Variants in FNBP4 observed in about 807,000 individuals in gnomAD.
FNBP4 encodes the protein formin-binding protein 4.
Under a neutral mutation model 119.3 loss-of-function variants are expected in FNBP4, and 34 were observed. The observed-to-expected ratio is 0.28, with a 90% CI of 0.22 to 0.38. The LOEUF (loss-of-function observed/expected upper bound fraction) is 0.38. Ranked by LOEUF, FNBP4 falls within the 10% of genes least tolerant of loss-of-function variation. The pLI is 1.00. For synonymous variants in FNBP4, 462 were observed against 430.6 expected (o/e 1.07, Z -0.90); for missense variants, 1,112 against 1,228.9 (o/e 0.90, Z 1.42).
chr11:47,742,476 T>TGAAAAA (rs1322071518), intron 8 of FNBP4, among the ~76,000 whole-genome samples: 1 of 3,620 alleles, frequency 2.8e-4, no homozygotes, highest in Non-Finnish European at 8.1e-4. Flanking sequence ...AGACTCCGTC[T>TGAAAAA]CAAAAAAAAA....
Position 47,767,056 on chromosome 11 carries a change from C to A in FNBP4, c.220+13G>T. ...CCCTGAGCTCGAGTTCAGGTCCCCC[C>A]GCGCACCCTTGCCTTCTGAAGGCGA... On this transcript the variant is annotated intron_variant, in intron 1 of 16. Coordinates refer to ENST00000263773, the MANE Select transcript of FNBP4 (RefSeq NM_015308.5). 1 of 1,522,778 alleles carries A rather than the reference C, an allele frequency of 6.6e-7. No individual in the cohort carries two copies. The highest frequency in any genetic ancestry group is 2.6e-5 in the East Asian group (1 of 38,704). The allele number at this position is 1,522,778 out of a possible 1,614,324, so 94.3% of individuals were successfully genotyped here.
At position 47,736,639 on chromosome 11, in the gene FNBP4, C is replaced by A. The variant is rs1385348542; in HGVS notation, c.1558G>T (p.Val520Leu). ...ACTTTCAAATCCTGTTCTTCTTCTA[C>A]TTTTGGTGTTGTCTGTACTTTTATT... ...EKIKVQTTPK[V>L]EEEQDLKFQI... Residue 520 changes from valine to leucine, a missense_variant, in exon 9 of 17, where the codon GTA (valine) becomes TTA (leucine). Physicochemically the swap from Val to Leu is conservative, Grantham distance 32. Around this residue, in one of 2 missense-constraint regions of FNBP4, gnomAD observed 826 missense variants for 988.8 expected, o/e 0.84. Coordinates refer to ENST00000263773, the MANE Select transcript of FNBP4 (RefSeq NM_015308.5). 2.5e-6 allele frequency: 4 copies of A among 1,598,608 alleles called. No individual in the cohort carries two copies. The South Asian group carries it at 4.4e-5, about 18-fold the overall frequency.
chr11:47,746,532 T>A, intron 6 of FNBP4, 138 bp from the exon 7 acceptor site: 1 of 719,478 alleles, frequency 1.4e-6, no homozygotes. Context: ...TTTTTTTTTT[T>A]GAGATGGAGT....
At chr11:47,730,816 C>A (rs914581287) in intron 12 of FNBP4, among the ~76,000 whole-genome samples, 3 of 152,166 alleles carry the variant, frequency 2.0e-5, no homozygotes, top group African/African-American at 4.8e-5. Context: ...TGGAATGAGA[C>A]ATCCTATTGC....
intron 2 of FNBP4, among the ~76,000 whole-genome samples, chr11:47,762,590 G>A (rs1423447002): frequency 6.6e-6 from 1 of 151,922 alleles, no homozygotes. Context: ...TCATCAGCAC[G>A]TCTAGCTAAT....
At chr11:47,726,224 C>G (rs959536924) in intron 12 of FNBP4, 2 of 152,132 alleles carry the variant, frequency 1.3e-5, no homozygotes, top group African/African-American at 4.8e-5. Context: ...TGGCACTCAA[C>G]AAGGTAAAAC....
intron 8 of FNBP4, among the ~76,000 whole-genome samples, chr11:47,740,901 G>T (rs561456328): frequency 4.5e-4 from 65 of 143,530 alleles, no homozygotes; most frequent in African/African-American, 1.6e-3. Context: ...CATTTTTTTT[G>T]TGTGTGTGAT....
At chr11:47,720,327 G>A (rs1388094326) in intron 15 of FNBP4, among the ~76,000 whole-genome samples, 1 of 152,152 alleles carries the variant, frequency 6.6e-6, no homozygotes, top group Non-Finnish European at 1.5e-5. Flanking sequence ...CCAGCACTTT[G>A]GGAGGCTGAG....
intron 12 of FNBP4, among the ~76,000 whole-genome samples, chr11:47,727,798 T>A (rs745926300): frequency 2.0e-4 from 31 of 152,350 alleles, no homozygotes; most frequent in Non-Finnish European, 2.1e-4. Flanking sequence ...TGCTTCTCCT[T>A]GCTTTTAAAT....
At chr11:47,746,012 G>C (rs773453761) in intron 7 of FNBP4, 44 bp downstream of exon 7, 4 of 1,474,522 alleles carry the variant, frequency 2.7e-6, no homozygotes, top group Non-Finnish European at 2.8e-6. Context: ...CTGTAGAGTA[G>C]TACTGAGGAA....
intron 14 of FNBP4, among the ~76,000 whole-genome samples, chr11:47,723,676 C>T (rs577486485): frequency 6.6e-6 from 1 of 152,230 alleles, no homozygotes; most frequent in East Asian, 1.9e-4. Context: ...GTGATCCTCC[C>T]ACCTCAGTCT....
intron 2 of FNBP4, among the ~76,000 whole-genome samples, chr11:47,760,172 A>C (rs2097630308): frequency 6.6e-6 from 1 of 152,108 alleles, no homozygotes; most frequent in East Asian, 1.9e-4. Context: ...TAAACTCCTA[A>C]AAACATAATA....
At chr11:47,738,514 G>A (rs768139090) in intron 8 of FNBP4, among the ~76,000 whole-genome samples, 2 of 151,966 alleles carry the variant, frequency 1.3e-5, no homozygotes, top group East Asian at 1.9e-4. Context: ...GCAGTGAGCC[G>A]AGATTGCACC....
At chr11:47,727,936 A>G (rs2097562999) in intron 12 of FNBP4, among the ~76,000 whole-genome samples, 2 of 151,656 alleles carry the variant, frequency 1.3e-5, no homozygotes, top group South Asian at 2.1e-4. Context: ...TTGGAGTGCA[A>G]TGGTGTGATA....
chr11:47,725,810 C>T (rs2097560327), intron 12 of FNBP4: 5 of 982,018 alleles, frequency 5.1e-6, no homozygotes, highest in Non-Finnish European at 6.0e-6. Flanking sequence ...GATATATATC[C>T]CAGGAATGTT....
intron 2 of FNBP4, among the ~76,000 whole-genome samples, chr11:47,760,257 A>C (rs2097630582): frequency 7.1e-6 from 1 of 141,844 alleles, no homozygotes; most frequent in Non-Finnish European, 1.5e-5. Flanking sequence ...AATTGATCAA[A>C]CATTTTTTTT....
At chr11:47,740,243 T>C (rs368642193) in intron 8 of FNBP4, among the ~76,000 whole-genome samples, 56 of 151,886 alleles carry the variant, frequency 3.7e-4, no homozygotes, top group African/African-American at 1.3e-3. Flanking sequence ...GATAAAACCC[T>C]GTCTGTACTA....
rs2135109425 is a variant in FNBP4 at position 47,731,873 on chromosome 11, TG to T, written c.1821-313del. The T allele has an allele frequency of 5.7e-6, 6 of 1,052,882 alleles. No homozygotes were observed. The South Asian group carries it at 2.6e-4, about 45-fold the overall frequency. The allele number at this position is 1,052,882 out of a possible 1,614,324, so 65.2% of individuals were successfully genotyped here. ...ATAACAGGGTTTCAAGTTTCATTAA[TG>T]AAGGGACTCAATCGCCTAGAACACT... On this transcript the variant is annotated intron_variant, in intron 11 of 16. Coordinates refer to ENST00000263773, the MANE Select transcript of FNBP4 (RefSeq NM_015308.5).
intron 2 of FNBP4, among the ~76,000 whole-genome samples, chr11:47,763,738 T>TTGTG (rs1565170644): frequency 6.6e-6 from 1 of 151,972 alleles, no homozygotes; most frequent in East Asian, 1.9e-4. Flanking sequence ...CTGACGTCAT[T>TTGTG]ATCCACCTGC....
Sources: gnomAD v4.1 joint callset for allele counts (sites outside exome capture counted in the v4.1 genomes callset) on GRCh38, gnomAD v4.1.1 for gene constraint, gnomAD v4.1.1 regional missense constraint, MANE v1.5 for transcripts, NCBI Gene and HGNC (gene_info 2026-07-23, HGNC 2026-07-21) for gene names.